The following FRMD3 variants were observed in gnomAD, a reference collection of about 807,000 sequenced individuals.
FRMD3 encodes the protein FERM domain-containing protein 3.
In FRMD3, 33 loss-of-function variants were observed where a neutral mutation model predicts 70.2. That is an observed-to-expected ratio of 0.47 (90% CI 0.36 to 0.63). The LOEUF is 0.63. Among genes scored for constraint, FRMD3 ranks in the 20% least tolerant of loss-of-function variants. FRMD3 has a pLI of 0.00. For missense variants in FRMD3, 632 were observed against 711.4 expected (o/e 0.89, Z 1.27); for synonymous variants, 279 against 255.9 (o/e 1.09, Z -0.86).
At chr9:83,316,675 A>G (rs1033351548) in intron 6 of FRMD3, among the ~76,000 whole-genome samples, 2 of 152,192 alleles carry the variant, frequency 1.3e-5, no homozygotes, top group Non-Finnish European at 2.9e-5. Flanking sequence ...CGATCCAGCA[A>G]TTACTATCTT....
chr9:83,318,177 A>G (rs1316680379), intron 6 of FRMD3, among the ~76,000 whole-genome samples: 2 of 152,188 alleles, frequency 1.3e-5, no homozygotes, highest in Admixed American at 1.3e-4. Context: ...CATATATTCC[A>G]TAGTGTTAAA....
At chr9:83,328,601 T>C (rs1836116653) in intron 6 of FRMD3, among the ~76,000 whole-genome samples, 1 of 152,200 alleles carries the variant, frequency 6.6e-6, no homozygotes, top group Non-Finnish European at 1.5e-5. Context: ...GGCAAATTAA[T>C]TGTTGCTTCA....
At chr9:83,450,352 T>TTTG (rs1214131422) in intron 1 of FRMD3, among the ~76,000 whole-genome samples, 2 of 127,030 alleles carry the variant, frequency 1.6e-5, no homozygotes, top group Non-Finnish European at 3.5e-5. Context: ...CCTCAGTTTT[T>TTTG]TTTTTTTTTT....
chr9:83,483,669 C>T (rs969405111), intron 1 of FRMD3, among the ~76,000 whole-genome samples: 4 of 151,996 alleles, frequency 2.6e-5, no homozygotes, highest in African/African-American at 9.7e-5. Context: ...GACCAGCCTG[C>T]GCAACATACT....
At chr9:83,395,009 T>C (rs1281172453) in intron 1 of FRMD3, among the ~76,000 whole-genome samples, 1 of 152,178 alleles carries the variant, frequency 6.6e-6, no homozygotes, top group Non-Finnish European at 1.5e-5. Context: ...ACACCTATTA[T>C]GCACCAGGCA....
At chr9:83,369,521 G>A (rs1290385155) in intron 3 of FRMD3, among the ~76,000 whole-genome samples, 1 of 151,832 alleles carries the variant, frequency 6.6e-6, no homozygotes. Context: ...AGGTTGCAGT[G>A]AGCCAAGATC....
intron 6 of FRMD3, among the ~76,000 whole-genome samples, chr9:83,323,528 A>T (rs993974171): frequency 6.6e-6 from 1 of 152,202 alleles, no homozygotes; most frequent in African/African-American, 2.4e-5. Context: ...TCATGAATAT[A>T]TTCAGTTTGC....
chr9:83,286,031 T>C (rs779156890), intron 13 of FRMD3, among the ~76,000 whole-genome samples: 6 of 152,204 alleles, frequency 3.9e-5, no homozygotes, highest in Non-Finnish European at 7.3e-5. Context: ...TGAGACCTAA[T>C]CCTCCAGCTG....
At chr9:83,288,385 A>C (rs1834297772) in intron 13 of FRMD3, among the ~76,000 whole-genome samples, 1 of 152,226 alleles carries the variant, frequency 6.6e-6, no homozygotes, top group African/African-American at 2.4e-5. Context: ...CTCTTACTCT[A>C]AATTGAGAGA....
intron 7 of FRMD3, among the ~76,000 whole-genome samples, chr9:83,312,800 A>C (rs1330475753): frequency 1.4e-5 from 2 of 144,634 alleles, no homozygotes; most frequent in African/African-American, 5.1e-5. Context: ...ATCCTGACGT[A>C]ATTGGTGTGG....
chr9:83,278,676 A>T (rs1179398286), intron 13 of FRMD3, among the ~76,000 whole-genome samples: 1 of 152,284 alleles, frequency 6.6e-6, no homozygotes, highest in South Asian at 2.1e-4. Context: ...ACCCACGTGG[A>T]CTGTCAATCA....
At chr9:83,299,460 G>T (rs1359167) in intron 10 of FRMD3, among the ~76,000 whole-genome samples, 2 of 151,908 alleles carry the variant, frequency 1.3e-5, no homozygotes, top group Non-Finnish European at 2.9e-5. Context: ...TTCATTAGTG[G>T]GTCACAACCT....
chr9:83,527,241 T>C (rs1829703815), intron 1 of FRMD3, among the ~76,000 whole-genome samples: 1 of 152,210 alleles, frequency 6.6e-6, no homozygotes, highest in Non-Finnish European at 1.5e-5. Flanking sequence ...TGTGCTCTCA[T>C]GGACATGCAA....
chr9:83,480,249 T>C (rs1272606792), intron 1 of FRMD3, among the ~76,000 whole-genome samples: 1 of 152,156 alleles, frequency 6.6e-6, no homozygotes, highest in African/African-American at 2.4e-5. Context: ...CAGAGTATTA[T>C]TCAGCAGTCA....
In FRMD3 at chr9:83,247,210, T is replaced by C; in HGVS notation, c.*708A>G. The C allele has an allele frequency of 1.0e-6, 1 of 985,374 alleles. No homozygotes were observed. The highest frequency in any genetic ancestry group is 4.7e-5 in the South Asian group (1 of 21,284). 61.0% of individuals were successfully genotyped at this position (985,374 alleles called of 1,614,324 possible). On this transcript the variant is annotated 3_prime_UTR_variant, in exon 14 of 14. Coordinates refer to ENST00000304195, the MANE Select transcript of FRMD3 (RefSeq NM_174938.6). ...TCCTCTGTTTTAGCAGCTTACTTAC[T>C]ATAGTGTCTTTCTACCCATTTTCTA...
chr9:83,371,670 T>C (rs1173929761), intron 3 of FRMD3, among the ~76,000 whole-genome samples: 1 of 152,184 alleles, frequency 6.6e-6, no homozygotes, highest in Non-Finnish European at 1.5e-5. Context: ...CCAATTCTGC[T>C]CCAGCCCCAC....
intron 1 of FRMD3, among the ~76,000 whole-genome samples, chr9:83,508,550 G>A (rs1829258406): frequency 6.6e-6 from 1 of 152,164 alleles, no homozygotes; most frequent in Admixed American, 6.5e-5. Flanking sequence ...CTGACCTTGT[G>A]TCCTTCTACT....
At chr9:83,269,562 A>G (rs1833449205) in intron 13 of FRMD3, among the ~76,000 whole-genome samples, 1 of 152,120 alleles carries the variant, frequency 6.6e-6, no homozygotes, top group Admixed American at 6.5e-5. Flanking sequence ...CAAAAAAATT[A>G]GCCAGGCGTG....
the FRMD3 span, among the ~76,000 whole-genome samples, chr9:83,544,111 C>T: frequency 6.6e-6 from 1 of 152,168 alleles, no homozygotes; most frequent in Non-Finnish European, 1.5e-5. Flanking sequence ...ATAAAGCTGT[C>T]TATTTTGGGC....
Sources: gnomAD v4.1 joint callset for allele counts (sites outside exome capture counted in the v4.1 genomes callset) on GRCh38, gnomAD v4.1.1 for gene constraint, MANE v1.5 for transcripts, NCBI Gene and HGNC (gene_info 2026-07-23, HGNC 2026-07-21) for gene names.